Variants in PTPRS observed in about 807,000 individuals in gnomAD.
The protein encoded by PTPRS is receptor-type tyrosine-protein phosphatase S.
In PTPRS, 63 loss-of-function variants were observed where a neutral mutation model predicts 215.3. The observed-to-expected ratio is 0.29, with a 90% CI of 0.24 to 0.36. PTPRS has a LOEUF of 0.36. Among genes scored for constraint, PTPRS ranks in the 10% least tolerant of loss-of-function variants. The probability of loss-of-function intolerance (pLI) is 1.00; values close to 1 mark genes in which losing one functional copy is unlikely to be tolerated. For synonymous variants in PTPRS, 1,404 were observed against 1,191.4 expected, an observed-to-expected ratio of 1.18 and a Z score of -3.68; for missense variants, 2,258 against 2,825.8, an observed-to-expected ratio of 0.80 and a Z score of 4.56.
At chr19:5,243,197 C>T (rs972412051) in intron 11 of PTPRS, among the ~76,000 whole-genome samples, 2 of 150,642 alleles carry the variant, frequency 1.3e-5, no homozygotes, top group East Asian at 2.0e-4. Context: ...TGCAATGGTG[C>T]GATCTTGGCT....
chr19:5,229,394 G>T, intron 15 of PTPRS, 52 bp from the exon 16 acceptor site: 1 of 1,358,618 alleles, frequency 7.4e-7, no homozygotes, highest in Non-Finnish European at 9.5e-7. Context: ...GAGCGGGGGA[G>T]GCCAGAGATG....
chr19:5,216,825 C>A (rs1379930675), intron 25 of PTPRS, 58 bp from the exon 26 acceptor site: 1 of 1,138,426 alleles, frequency 8.8e-7, no homozygotes, highest in South Asian at 1.3e-5. Flanking sequence ...GGGGGTCCCA[C>A]CTCTGCCTCC....
chr19:5,277,697 T>C, intron 2 of PTPRS: 1 of 557,776 alleles, frequency 1.8e-6, no homozygotes, highest in Non-Finnish European at 3.2e-6. Context: ...TCCTCGGCGC[T>C]GCCTAAGGAG....
intron 1 of PTPRS, among the ~76,000 whole-genome samples, chr19:5,300,137 A>T (rs1346592868): frequency 1.3e-5 from 2 of 150,556 alleles, no homozygotes; most frequent in Admixed American, 1.3e-4. Context: ...GCTACATGGG[A>T]GGCTGAGGCA....
rs2043735570 is a variant in PTPRS, at chr19:5,238,984, G to A, written c.1784C>T (p.Ala595Val). The A allele has an allele frequency of 2.5e-6, 4 of 1,613,092 alleles. No individual in the cohort carries two copies. Among genetic ancestry groups the A allele is most frequent in the East Asian group, 2.2e-5 (1 of 44,820 alleles). Residue 595 changes from alanine (A) to valine (V), a missense_variant, in exon 13 of 38, where the codon GCG becomes GTG. Around this residue, in one of 6 missense-constraint regions of PTPRS, gnomAD observed 371 missense variants for 446.7 expected, o/e 0.83. Coordinates refer to ENST00000262963, the MANE Select transcript of PTPRS (RefSeq NM_002850.4). ...GCCCAGGCCCTGCGGCGAGCGGGCC[G>A]CCAGGCGGAAGGCGTACTCCGTGTT... Reference protein sequence around the residue: ...KPNTEYAFRLAARSPQGLGAF... With the variant: ...KPNTEYAFRLVARSPQGLGAF...
At chr19:5,337,700 C>T (rs2050550872) in intron 1 of PTPRS, among the ~76,000 whole-genome samples, 1 of 152,148 alleles carries the variant, frequency 6.6e-6, no homozygotes, top group African/African-American at 2.4e-5. Context: ...AAAATGGGTG[C>T]ACAGTGATGG....
At chr19:5,229,272 G>A in intron 16 of PTPRS, 44 bp downstream of exon 16, 11 of 1,366,366 alleles carry the variant, frequency 8.1e-6, no homozygotes, top group Non-Finnish European at 1.0e-5. Context: ...CACGGCCCGC[G>A]GGAAGCGCAC....
At chr19:5,271,437 G>A (rs1447362857) in intron 4 of PTPRS, among the ~76,000 whole-genome samples, 1 of 144,046 alleles carries the variant, frequency 6.9e-6, no homozygotes, top group Non-Finnish European at 1.5e-5. Flanking sequence ...TGCCCTGGTC[G>A]CCCAGACTGG....
chr19:5,296,194 A>G (rs2049128950), intron 1 of PTPRS, among the ~76,000 whole-genome samples: 1 of 152,190 alleles, frequency 6.6e-6, no homozygotes, highest in South Asian at 2.1e-4. Flanking sequence ...CATGAGAAAC[A>G]AAAGAAATCA....
rs570346384 is a variant in PTPRS, at chr19:5,295,327, C to T, written c.-94-9093G>A. Among the ~76,000 whole-genome samples, 57 of 152,346 alleles carry T rather than the reference C, an allele frequency of 3.7e-4. No homozygotes were observed. Among genetic ancestry groups the T allele is most frequent in the Middle Eastern group, 3.4e-3 (1 of 294 alleles). On this transcript the variant is annotated intron_variant, in intron 1 of 37. Coordinates refer to ENST00000262963, the MANE Select transcript of PTPRS (RefSeq NM_002850.4). The surrounding 1 kb of genome is among the most constrained non-coding windows in gnomAD (Gnocchi z 4.6). ...ACGGCAGACAAGGGCTTGCCAGCCG[C>T]TTCCCAGCCAGTCCTGCCCTCTCTG...
At position 5,220,106 on chromosome 19, in the gene PTPRS, G is replaced by T; in HGVS notation, c.3598C>A (p.Arg1200Ser). ...TAGGGCCGGGGCACCTCCAGCTGAC[G>T]CGAGTGCCGCAGGCTGCGCCTCTGT... ...RLQRRSLRHS[R>S]QLEVPRPYIA... Residue 1200 changes from arginine (R) to serine (S), a missense_variant, in exon 22 of 38, where the codon CGT (arginine) becomes AGT (serine). Physicochemically the swap from Arg to Ser is moderately radical, Grantham distance 110 (BLOSUM62 -1). Around this residue, in one of 6 missense-constraint regions of PTPRS, gnomAD observed 927 missense variants for 1,125.9 expected, o/e 0.82. Coordinates refer to ENST00000262963, the MANE Select transcript of PTPRS (RefSeq NM_002850.4). 1 of 1,613,490 alleles carries T rather than the reference G, an allele frequency of 6.2e-7. No homozygotes were observed. Among genetic ancestry groups the T allele is most frequent in the Non-Finnish European group, 8.5e-7 (1 of 1,179,950 alleles).
At chr19:5,242,716 A>G (rs1222408751) in intron 11 of PTPRS, among the ~76,000 whole-genome samples, 3 of 149,518 alleles carry the variant, frequency 2.0e-5, no homozygotes, top group African/African-American at 7.4e-5. Context: ...TTTGTTTTAG[A>G]GACAAGGTCT....
chr19:5,285,382 C>T (rs1454904588), intron 2 of PTPRS, among the ~76,000 whole-genome samples: 1 of 152,214 alleles, frequency 6.6e-6, no homozygotes, highest in Non-Finnish European at 1.5e-5. Flanking sequence ...ATCCTCTTCA[C>T]ATTACAGCCA....
intron 32 of PTPRS, 76 bp downstream of exon 32, chr19:5,211,889 C>T (rs1351439978): frequency 1.3e-6 from 2 of 1,556,550 alleles, no homozygotes; most frequent in South Asian, 1.2e-5. Flanking sequence ...GTCCCCATTG[C>T]TCGAGGCGGG....
chr19:5,267,659 A>C (rs60159435), intron 4 of PTPRS, among the ~76,000 whole-genome samples: 9,916 of 117,958 alleles, frequency 0.084, 614 homozygotes, highest in East Asian at 0.4. Flanking sequence ...TGTCTCAAAA[A>C]AAAAAAAAAA....
At chr19:5,240,621 C>T (rs1202719685) in intron 11 of PTPRS, among the ~76,000 whole-genome samples, 16 of 151,852 alleles carry the variant, frequency 1.1e-4, no homozygotes, top group South Asian at 4.2e-4. Context: ...GGGCAGATCA[C>T]GAGATCAGGA....
chr19:5,283,914 A>G (rs1456997224), intron 2 of PTPRS, among the ~76,000 whole-genome samples: 2 of 151,954 alleles, frequency 1.3e-5, no homozygotes, highest in Non-Finnish European at 2.9e-5. Context: ...TCTCTGTAAG[A>G]AATTTAAAAA....
intron 1 of PTPRS, among the ~76,000 whole-genome samples, chr19:5,324,945 A>C (rs2050131080): frequency 6.6e-6 from 1 of 152,170 alleles, no homozygotes; most frequent in Admixed American, 6.5e-5. Flanking sequence ...AAGGTGTCCC[A>C]AGGTTCATGT....
chr19:5,249,640 TGACCCACTGGG>T (rs1216467776), intron 9 of PTPRS, among the ~76,000 whole-genome samples: 1 of 152,258 alleles, frequency 6.6e-6, no homozygotes, highest in Non-Finnish European at 1.5e-5. Context: ...TTGTGTGTCC[TGACCCACTGGG>T]GACACCAAAG....
Sources: gnomAD v4.1 joint callset for allele counts (sites outside exome capture counted in the v4.1 genomes callset) on GRCh38, gnomAD v4.1.1 for gene constraint, gnomAD v4.1.1 regional missense constraint, Gnocchi (gnomAD v3.1) non-coding constraint, MANE v1.5 for transcripts, NCBI Gene and HGNC (gene_info 2026-07-23, HGNC 2026-07-21) for gene names.